DNAJC7: variants seen among roughly 807,000 people sequenced by gnomAD.
The protein encoded by DNAJC7 is dnaJ homolog subfamily C member 7.
In DNAJC7, 18 loss-of-function variants were observed where a neutral mutation model predicts 67.4. The observed-to-expected ratio is 0.27, with a 90% CI of 0.18 to 0.40. The LOEUF (loss-of-function observed/expected upper bound fraction) is 0.40, where lower values mean the gene tolerates loss of function less well. Ranked by LOEUF, DNAJC7 falls within the 10% of genes least tolerant of loss-of-function variation. The pLI is 1.00. For missense variants in DNAJC7, 419 were observed against 613.8 expected (o/e 0.68, Z 3.35); for synonymous variants, 220 against 207.8 (o/e 1.06, Z -0.50).
intron 12 of DNAJC7, among the ~76,000 whole-genome samples, chr17:41,978,746 G>A (rs1163012391): frequency 6.6e-6 from 1 of 152,158 alleles, no homozygotes; most frequent in Non-Finnish European, 1.5e-5. Context: ...CGGGCGTGGT[G>A]GCAGGTGCCT....
intron 2 of DNAJC7, among the ~76,000 whole-genome samples, chr17:41,999,958 ACAGGTGCCCGCCAC>A (rs1164326915): frequency 6.7e-6 from 1 of 149,618 alleles, no homozygotes; most frequent in East Asian, 2.0e-4. Flanking sequence ...AGCTGGGATT[ACAGGTGCCCGCCAC>A]CAGGCCCAGC....
intron 1 of DNAJC7, among the ~76,000 whole-genome samples, chr17:42,002,679 C>T (rs2051840641): frequency 6.6e-6 from 1 of 152,220 alleles, no homozygotes; most frequent in Admixed American, 6.5e-5. Flanking sequence ...TGTCAGAATA[C>T]AAAGCTTGTG....
chr17:42,001,705 G>A (rs1555649500), intron 1 of DNAJC7, among the ~76,000 whole-genome samples: 3 of 152,178 alleles, frequency 2.0e-5, no homozygotes, highest in African/African-American at 7.2e-5. Flanking sequence ...TTAAACCTTG[G>A]TGATGGTACA....
intron 1 of DNAJC7, among the ~76,000 whole-genome samples, chr17:42,010,349 G>A (rs145490199): frequency 0.061 from 9,194 of 151,152 alleles, 286 homozygotes; most frequent in East Asian, 0.078. Context: ...AAAATTAGCC[G>A]GGCGTGGTGG....
At chr17:42,013,581 A>G (rs1598156889) in intron 1 of DNAJC7, 1 of 152,376 alleles carries the variant, frequency 6.6e-6, no homozygotes, top group East Asian at 1.9e-4. Flanking sequence ...CAGAGGCAGG[A>G]ACTTGGCCAA....
intron 12 of DNAJC7, 128 bp downstream of exon 12, chr17:41,981,727 A>G (rs782263564): frequency 2.3e-6 from 3 of 1,310,586 alleles, no homozygotes; most frequent in East Asian, 2.3e-5. Flanking sequence ...GTTTGACTCC[A>G]TGTCTATTAC....
chr17:41,994,826 T>C, intron 5 of DNAJC7, 44 bp downstream of exon 5: 2 of 1,566,112 alleles, frequency 1.3e-6, no homozygotes, highest in African/African-American at 1.3e-5. Context: ...AATGGGAATT[T>C]TGCGACAAAG....
intron 8 of DNAJC7, 48 bp downstream of exon 8, chr17:41,988,684 C>T: frequency 6.5e-7 from 1 of 1,538,918 alleles, no homozygotes; most frequent in Non-Finnish European, 8.7e-7. Flanking sequence ...CCTTTGATGT[C>T]CCTTAAAAAT....
chr17:41,994,556 A>G (rs1210114467), intron 5 of DNAJC7, among the ~76,000 whole-genome samples: 1 of 151,328 alleles, frequency 6.6e-6, no homozygotes, highest in Non-Finnish European at 1.5e-5. Flanking sequence ...GATTATCCAA[A>G]CCTAATATTT....
At chr17:41,996,542 C>G in intron 3 of DNAJC7, 118 bp from the exon 4 acceptor site, 9 of 793,720 alleles carry the variant, frequency 1.1e-5, no homozygotes, top group Non-Finnish European at 1.8e-5. Flanking sequence ...TGACTCACAC[C>G]TGTAATCCCA....
At chr17:42,006,294 C>CAG (rs1225586484) in intron 1 of DNAJC7, among the ~76,000 whole-genome samples, 4 of 151,762 alleles carry the variant, frequency 2.6e-5, no homozygotes, top group African/African-American at 9.7e-5. Context: ...GCTGGGATTA[C>CAG]AGGCACACGC....
chr17:41,999,133 A>T (rs2051738848), intron 2 of DNAJC7, among the ~76,000 whole-genome samples: 1 of 151,606 alleles, frequency 6.6e-6, no homozygotes, highest in Non-Finnish European at 1.5e-5. Flanking sequence ...CCCAGGCTGG[A>T]GTGCAGCGAC....
At chr17:41,984,820 C>A (rs1451609487) in intron 9 of DNAJC7, 3 of 151,788 alleles carry the variant, frequency 2.0e-5, no homozygotes, top group Non-Finnish European at 4.4e-5. Context: ...ACCACACAAG[C>A]CCATTTTCTT....
chr17:42,004,779 T>C (rs1420180267), intron 1 of DNAJC7, among the ~76,000 whole-genome samples: 4 of 152,200 alleles, frequency 2.6e-5, no homozygotes, highest in Non-Finnish European at 5.9e-5. Context: ...CCCAGCACTT[T>C]AGGAGACAGA....
rs782095173 is a variant in DNAJC7, at chr17:41,996,306, C to G, written c.405+5G>C. On this transcript the variant is annotated splice_donor_5th_base_variant and intron_variant, in intron 4 of 13. Transcript: ENST00000457167. ...CTTTTGACAGAAACAGGATCAGACC[C>G]GTACCTCTTGTTGTGCCTGAGCATT... The G allele has an allele frequency of 1.9e-5, 30 of 1,613,082 alleles. No homozygotes were observed. In the South Asian group the frequency reaches 3.1e-4, roughly 17 times the overall value.
At chr17:41,990,148 G>A (rs1302829228) in intron 6 of DNAJC7, 116 bp downstream of exon 6, 2 of 951,130 alleles carry the variant, frequency 2.1e-6, no homozygotes, top group Non-Finnish European at 3.2e-6. Context: ...GTCCCAAGAG[G>A]GTCTGATCAG....
intron 1 of DNAJC7, among the ~76,000 whole-genome samples, chr17:42,008,670 A>G (rs2052037743): frequency 1.3e-5 from 2 of 152,084 alleles, no homozygotes; most frequent in Admixed American, 1.3e-4. Flanking sequence ...TCGGCCTCCC[A>G]AAGTGCTGGG....
At chr17:42,015,221 C>G (rs1159760216) in intron 1 of DNAJC7, 1 of 152,074 alleles carries the variant, frequency 6.6e-6, no homozygotes, top group African/African-American at 2.4e-5. Flanking sequence ...CTCAGCTGAC[C>G]CACCTGCCTC....
intron 2 of DNAJC7, among the ~76,000 whole-genome samples, chr17:41,999,667 C>T (rs573551780): frequency 4.6e-5 from 7 of 151,942 alleles, no homozygotes; most frequent in Non-Finnish European, 8.8e-5. Flanking sequence ...ATTACAGGCA[C>T]GCACCACCAC....
Sources: allele counts gnomAD v4.1 joint callset (sites outside exome capture counted in the v4.1 genomes callset), GRCh38; gene constraint gnomAD v4.1.1; transcripts MANE v1.5; gene names NCBI Gene and HGNC (gene_info 2026-07-23, HGNC 2026-07-21).